Variants in FAM171B observed in about 807,000 individuals in gnomAD.
FAM171B encodes family with sequence similarity 171 member B.
In FAM171B, 19 loss-of-function variants were observed where a neutral mutation model predicts 75.6. The observed-to-expected ratio is 0.25, with a 90% confidence interval of 0.18 to 0.37. The LOEUF (loss-of-function observed/expected upper bound fraction) is 0.37, where lower values mean the gene tolerates loss of function less well. Among genes scored for constraint, FAM171B ranks in the 10% least tolerant of loss-of-function variants. The pLI, the probability that FAM171B is intolerant of heterozygous loss-of-function variation, is 1.00. For synonymous variants in FAM171B, 367 were observed against 361.7 expected, an observed-to-expected ratio of 1.01 and a Z score of -0.17; for missense variants, 848 against 982.4, an observed-to-expected ratio of 0.86 and a Z score of 1.83.
At chr2:186,740,113 C>A in intron 1 of FAM171B, 115 bp from the exon 2 acceptor site, 1 of 671,360 alleles carries the variant, frequency 1.5e-6, no homozygotes, top group Non-Finnish European at 2.5e-6. Flanking sequence ...TGTGTAGTTC[C>A]TAAGTTTAAC....
At chr2:186,703,529 A>G (rs1299769745) in intron 1 of FAM171B, among the ~76,000 whole-genome samples, 1 of 152,168 alleles carries the variant, frequency 6.6e-6, no homozygotes, top group African/African-American at 2.4e-5. Flanking sequence ...CTGCTTTTTA[A>G]TAATAGGAAC....
chr2:186,736,449 C>T (rs1441174028), intron 1 of FAM171B, among the ~76,000 whole-genome samples: 2 of 151,658 alleles, frequency 1.3e-5, no homozygotes, highest in African/African-American at 4.8e-5. Flanking sequence ...AAAACTAACA[C>T]AACGCATGGC....
At chr2:186,746,340 C>G (rs1290063150) in intron 3 of FAM171B, among the ~76,000 whole-genome samples, 1 of 152,156 alleles carries the variant, frequency 6.6e-6, no homozygotes, top group African/African-American at 2.4e-5. Flanking sequence ...GAGAAACTTA[C>G]CCACTTAAGT....
At chr2:186,696,635 A>C (rs1267887227) in intron 1 of FAM171B, among the ~76,000 whole-genome samples, 1 of 150,322 alleles carries the variant, frequency 6.7e-6, no homozygotes, top group Non-Finnish European at 1.5e-5. Flanking sequence ...CACTGTAGCC[A>C]CACTAGCTCT....
chr2:186,756,616 C>T (rs2105791763), intron 6 of FAM171B, among the ~76,000 whole-genome samples: 2 of 152,278 alleles, frequency 1.3e-5, no homozygotes, highest in Middle Eastern at 6.8e-3. Context: ...CCTTTCCAGA[C>T]ACCAACCAGT....
chr2:186,722,900 G>A (rs933066310), intron 1 of FAM171B, among the ~76,000 whole-genome samples: 1 of 152,176 alleles, frequency 6.6e-6, no homozygotes, highest in Non-Finnish European at 1.5e-5. Context: ...ATTTGGTGTT[G>A]AGGATATTGC....
At chr2:186,701,073 T>C (rs911461266) in intron 1 of FAM171B, among the ~76,000 whole-genome samples, 3 of 152,016 alleles carry the variant, frequency 2.0e-5, no homozygotes, top group African/African-American at 4.8e-5. Flanking sequence ...CCTGCCACCA[T>C]GCCTGGCTAA....
chr2:186,694,365 G>A lies in FAM171B; in HGVS notation c.192G>A (p.Glu64=). The A allele has an allele frequency of 2.5e-6, 4 of 1,613,172 alleles. No homozygotes were observed. The highest frequency in any genetic ancestry group is 2.5e-6 in the Non-Finnish European group (3 of 1,179,702). The change falls in exon 1 of 8, where the codon GAG becomes GAA. Residue 64 remains glutamate, a synonymous_variant. Coordinates refer to ENST00000304698, the MANE Select transcript of FAM171B (RefSeq NM_177454.4). ...AAAAGCAGCTGGAGGAGGCTGAGGAGGAGAGGACAGAGGTGCCTGGGGCAA... is the reference window on the plus strand; with the variant it reads ...AAAAGCAGCTGGAGGAGGCTGAGGAAGAGAGGACAGAGGTGCCTGGGGCAA... The part of the protein sequence containing the change: ...QQQKQLEEAE[E]ERTEVPGATS...
chr2:186,724,806 G>A (rs1690007309), intron 1 of FAM171B, among the ~76,000 whole-genome samples: 1 of 152,168 alleles, frequency 6.6e-6, no homozygotes, highest in Non-Finnish European at 1.5e-5. Context: ...AGGCCATTGT[G>A]GATCAGAATG....
chr2:186,694,088 C>A lies in FAM171B; in HGVS notation c.-86C>A. 1 of 1,379,322 alleles carries A rather than the reference C, an allele frequency of 7.2e-7. No individual in the cohort carries two copies. Among genetic ancestry groups the A allele is most frequent in the South Asian group, 1.7e-5 (1 of 60,364 alleles). 85.4% of individuals were successfully genotyped at this position (1,379,322 alleles called of 1,614,324 possible). On this transcript the variant is annotated 5_prime_UTR_variant, in exon 1 of 8. Coordinates refer to ENST00000304698, the MANE Select transcript of FAM171B (RefSeq NM_177454.4). ...GATTGCGCGAGGGGGAGCGAGCGAG[C>A]GGGCGCTGCCAGGAGCCCGCAGCCC...
chr2:186,737,610 G>A (rs1249596920), intron 1 of FAM171B, among the ~76,000 whole-genome samples: 1 of 152,178 alleles, frequency 6.6e-6, no homozygotes, highest in African/African-American at 2.4e-5. Flanking sequence ...TTAAAGTGCT[G>A]GGATTACAGG....
Position 186,740,345 on chromosome 2 carries a change from G to A in FAM171B, c.356G>A (p.Ser119Asn). The A allele has an allele frequency of 1.2e-6, 2 of 1,614,056 alleles. No homozygotes were observed. The highest frequency in any genetic ancestry group is 1.7e-6 in the Non-Finnish European group (2 of 1,179,954). The change falls in exon 2 of 8, where the codon AGC (serine) becomes AAC (asparagine). Residue 119 changes from serine (S) to asparagine (N), a missense_variant. Physicochemically the swap from Ser to Asn is conservative, Grantham distance 46 (BLOSUM62 1). Around this residue, in one of 3 missense-constraint regions of FAM171B, gnomAD observed 665 missense variants for 729.0 expected, o/e 0.91. Coordinates refer to ENST00000304698, the MANE Select transcript of FAM171B (RefSeq NM_177454.4). The stretch of plus-strand genomic sequence containing the variant: ...AAGACAAATTCCACAGTAACTAAAA[G>A]CAATGGAGCAGTGCTGATAAAAGTA... ...YTKTNSTVTKSNGAVLIKVPY... is the reference protein window; with the variant it reads ...YTKTNSTVTKNNGAVLIKVPY...
At chr2:186,747,770 T>C (rs1164841802) in intron 4 of FAM171B, among the ~76,000 whole-genome samples, 1 of 152,132 alleles carries the variant, frequency 6.6e-6, no homozygotes. Flanking sequence ...TCAACAGCAC[T>C]CATATATTTC....
intron 1 of FAM171B, among the ~76,000 whole-genome samples, chr2:186,729,748 G>A (rs1690086600): frequency 6.6e-6 from 1 of 152,088 alleles, no homozygotes; most frequent in African/African-American, 2.4e-5. Context: ...TGAGGATGGG[G>A]AGAAGAGGCT....
chr2:186,705,795 T>C (rs116371757), intron 1 of FAM171B, among the ~76,000 whole-genome samples: 9 of 152,316 alleles, frequency 5.9e-5, no homozygotes, highest in African/African-American at 2.2e-4. Flanking sequence ...ATGTGATTGC[T>C]TAGAACGCAT....
chr2:186,761,716 C>T lies in FAM171B; in HGVS notation c.1374C>T (p.Asp458=), dbSNP rs149426133. 1.3e-4 allele frequency: 216 copies of T among 1,612,904 alleles called. No homozygotes were observed. Among genetic ancestry groups the T allele is most frequent in the African/African-American group, 4.1e-4 (31 of 74,932 alleles). ...EERVSMVKTR[D]DFKIYNEDVS... is the part of the protein sequence containing the mutation. ...GAGTTTCCATGGTAAAAACTCGGGACGATTTTAAAATCTACAATGAAGATG... is the reference window on the plus strand; with the variant it reads ...GAGTTTCCATGGTAAAAACTCGGGATGATTTTAAAATCTACAATGAAGATG... Residue 458 remains aspartate, a synonymous_variant, in exon 8 of 8, where the codon GAC becomes GAT. Coordinates refer to ENST00000304698, the MANE Select transcript of FAM171B (RefSeq NM_177454.4).
chr2:186,707,650 T>G (rs1689750990), intron 1 of FAM171B, among the ~76,000 whole-genome samples: 1 of 152,158 alleles, frequency 6.6e-6, no homozygotes, highest in African/African-American at 2.4e-5. Context: ...GCTTCTTTCC[T>G]ACTTCATCAT....
chr2:186,714,880 A>G (rs1410872526), intron 1 of FAM171B, among the ~76,000 whole-genome samples: 2 of 152,206 alleles, frequency 1.3e-5, no homozygotes, highest in Non-Finnish European at 2.9e-5. Flanking sequence ...GTGTCTAGAT[A>G]GCCAGCTAAA....
intron 6 of FAM171B, among the ~76,000 whole-genome samples, chr2:186,758,113 G>A (rs1690558888): frequency 6.9e-6 from 1 of 145,074 alleles, no homozygotes; most frequent in Non-Finnish European, 1.5e-5. Flanking sequence ...ACAATAGTGT[G>A]GTATAGCGAA....
Sources: gnomAD v4.1 joint callset for allele counts (sites outside exome capture counted in the v4.1 genomes callset) on GRCh38, gnomAD v4.1.1 for gene constraint, gnomAD v4.1.1 regional missense constraint, MANE v1.5 for transcripts, NCBI Gene and HGNC (gene_info 2026-07-23, HGNC 2026-07-21) for gene names.